ZNF362: variants seen among roughly 807,000 people sequenced by gnomAD.
ZNF362 encodes the protein zinc finger protein 362.
A neutral mutation model predicts 42.9 loss-of-function variants in ZNF362; 11 were observed. The observed-to-expected ratio is 0.26, with a 90% CI of 0.16 to 0.42. The LOEUF is 0.42. Ranked by LOEUF, ZNF362 falls within the 20% of genes least tolerant of loss-of-function variation. The probability of loss-of-function intolerance (pLI) is 1.00; values close to 1 mark genes in which losing one functional copy is unlikely to be tolerated. For synonymous variants in ZNF362, 255 were observed against 257.3 expected (o/e 0.99, Z 0.09); for missense variants, 362 against 576.2 (o/e 0.63, Z 3.81).
At chr1:33,177,114 TGCATGTACGCATGCACACACAC>T in the ZNF362 span, among the ~76,000 whole-genome samples, 2 of 150,032 alleles carry the variant, frequency 1.3e-5, no homozygotes, top group South Asian at 2.1e-4. The surrounding 1 kb of genome is among the most constrained non-coding windows in gnomAD (Gnocchi z 4.1). Context: ...CACACACACA[TGCATGTACGCATGCACACACAC>T]GCACATGCAC....
chr1:33,226,259 C>T, the ZNF362 span, among the ~76,000 whole-genome samples: 7 of 152,174 alleles, frequency 4.6e-5, no homozygotes, highest in Non-Finnish European at 1.0e-4. Flanking sequence ...TGCAGATGAG[C>T]TCAGAAATAT....
chr1:33,299,026 G>C lies in ZNF362; in HGVS notation c.1243G>C (p.Val415Leu), dbSNP rs754424389. The C allele has an allele frequency of 6.2e-7, 1 of 1,610,360 alleles. No homozygotes were observed. Among genetic ancestry groups the C allele is most frequent in the African/African-American group, 1.3e-5 (1 of 74,942 alleles). Residue 415 changes from valine to leucine, a missense_variant, in exon 9 of 9, where the codon GTG becomes CTG. Val to Leu is a conservative substitution (Grantham distance 32). Around this residue, in one of 3 missense-constraint regions of ZNF362, gnomAD observed 68 missense variants for 107.4 expected, o/e 0.63. Transcript: ENST00000539719. ...GAGGACGGAGTCCCCCGGCATCCCG[G>C]TGCGAATCTCTCTCATCTGAGCCCA... The part of the protein sequence containing the change: ...PQRTESPGIP[V>L]RISLI
chr1:33,215,429 G>A, the ZNF362 span, among the ~76,000 whole-genome samples: 1 of 152,068 alleles, frequency 6.6e-6, no homozygotes, highest in Non-Finnish European at 1.5e-5. Flanking sequence ...TAATATCCTA[G>A]TATTTTAGTA....
intron 1 of ZNF362, among the ~76,000 whole-genome samples, chr1:33,257,382 C>T (rs1168497635): frequency 6.7e-6 from 1 of 149,896 alleles, no homozygotes; most frequent in Non-Finnish European, 1.5e-5. Context: ...TTAAAGTTAA[C>T]TCCGAAAGTT....
At chr1:33,195,853 A>T in the ZNF362 span, 5 of 152,180 alleles carry the variant, frequency 3.3e-5, no homozygotes, top group African/African-American at 1.2e-4. Flanking sequence ...ATTTATAAAA[A>T]AATTTTCTTT....
intron 3 of ZNF362, 79 bp downstream of exon 3, chr1:33,276,242 G>A: frequency 6.3e-7 from 1 of 1,593,012 alleles, no homozygotes; most frequent in Non-Finnish European, 8.5e-7. Context: ...GCTGTGGCCT[G>A]CGGGGAGCGG....
At chr1:33,245,073 G>T in the ZNF362 span, among the ~76,000 whole-genome samples, 2 of 152,184 alleles carry the variant, frequency 1.3e-5, no homozygotes, top group Non-Finnish European at 2.9e-5. Context: ...GAATGAACCA[G>T]GTGTCAGGTG....
At chr1:33,250,417 C>T in the ZNF362 span, among the ~76,000 whole-genome samples, 1,731 of 152,268 alleles carry the variant, frequency 0.011, 33 homozygotes, top group African/African-American at 0.039. Flanking sequence ...TAAAAAGGAG[C>T]GAGACCATGT....
the ZNF362 span, among the ~76,000 whole-genome samples, chr1:33,181,839 C>T: frequency 1.0e-4 from 1 of 9,554 alleles, no homozygotes; most frequent in East Asian, 2.2e-3. The surrounding 1 kb of genome is among the most constrained non-coding windows in gnomAD (Gnocchi z 6.5). Flanking sequence ...GGGGGCGGTG[C>T]GGGGAGGGCG....
chr1:33,218,909 C>G, the ZNF362 span, among the ~76,000 whole-genome samples: 1 of 147,148 alleles, frequency 6.8e-6, no homozygotes, highest in African/African-American at 2.5e-5. Flanking sequence ...GCTGGACGCA[C>G]AGGTCTGCCC....
chr1:33,236,550 A>AAAAAAAAAAAATAT, the ZNF362 span, among the ~76,000 whole-genome samples: 19 of 5,976 alleles, frequency 3.2e-3, 1 homozygote, highest in Admixed American at 0.029. Flanking sequence ...AAAAAAAAAA[A>AAAAAAAAAAAATAT]ATATATATAT....
chr1:33,183,488 A>G, the ZNF362 span, among the ~76,000 whole-genome samples: 14 of 152,186 alleles, frequency 9.2e-5, no homozygotes, highest in African/African-American at 1.7e-4. Flanking sequence ...CCCTTCCCCA[A>G]GTGACCCAAG....
the ZNF362 span, chr1:33,147,558 G>A: frequency 5.0e-6 from 8 of 1,614,086 alleles, no homozygotes; most frequent in South Asian, 5.5e-5. The surrounding 1 kb of genome is among the most constrained non-coding windows in gnomAD (Gnocchi z 8.1). Flanking sequence ...AGTAGTGGAC[G>A]CCACTACTGA....
At chr1:33,150,277 G>A in the ZNF362 span, among the ~76,000 whole-genome samples, 1 of 152,084 alleles carries the variant, frequency 6.6e-6, no homozygotes, top group Non-Finnish European at 1.5e-5. Context: ...ACATGGTTAT[G>A]CTTGGCTGGA....
the ZNF362 span, among the ~76,000 whole-genome samples, chr1:33,222,936 A>G: frequency 1.3e-5 from 2 of 152,112 alleles, no homozygotes; most frequent in Non-Finnish European, 2.9e-5. Flanking sequence ...AATAAGTCTC[A>G]TGAGATCTGA....
chr1:33,225,902 T>G, the ZNF362 span, among the ~76,000 whole-genome samples: 1 of 152,200 alleles, frequency 6.6e-6, no homozygotes, highest in Admixed American at 6.5e-5. Flanking sequence ...TTTTTAGGTC[T>G]AAGACACCCA....
intron 6 of ZNF362, among the ~76,000 whole-genome samples, chr1:33,292,296 A>G (rs1646084252): frequency 6.6e-6 from 1 of 152,196 alleles, no homozygotes; most frequent in African/African-American, 2.4e-5. Context: ...GAATTTTGTC[A>G]AAGGCCTTTT....
At chr1:33,147,668 C>T in the ZNF362 span, 5 of 1,613,728 alleles carry the variant, frequency 3.1e-6, no homozygotes, top group African/African-American at 2.7e-5. This position sits in a 1 kb window ranked among gnomAD's most constrained non-coding sequence, Gnocchi z 8.1. Flanking sequence ...ATGGTGCAGT[C>T]GTCCGACAGG....
intron 6 of ZNF362, among the ~76,000 whole-genome samples, chr1:33,287,119 A>C (rs1646038680): frequency 6.6e-6 from 1 of 152,246 alleles, no homozygotes; most frequent in Admixed American, 6.5e-5. Context: ...AGCCCTCTAC[A>C]TAATAAACAC....
Sources: gnomAD v4.1 joint callset for allele counts (sites outside exome capture counted in the v4.1 genomes callset) on GRCh38, gnomAD v4.1.1 for gene constraint, gnomAD v4.1.1 regional missense constraint, Gnocchi (gnomAD v3.1) non-coding constraint, MANE v1.5 for transcripts, NCBI Gene and HGNC (gene_info 2026-07-23, HGNC 2026-07-21) for gene names.